Variants in MARCHF5 observed in about 807,000 individuals in gnomAD.
MARCHF5 encodes the protein E3 ubiquitin-protein ligase MARCHF5.
In MARCHF5, 5 loss-of-function variants were observed where a neutral mutation model predicts 36.5. The observed-to-expected ratio is 0.14, with a 90% CI of 0.07 to 0.29. MARCHF5 has a LOEUF of 0.29. Among genes scored for constraint, MARCHF5 ranks in the 10% least tolerant of loss-of-function variants. The probability of loss-of-function intolerance (pLI) is 1.00; values close to 1 mark genes in which losing one functional copy is unlikely to be tolerated. For synonymous variants in MARCHF5, 103 were observed against 109.9 expected, an observed-to-expected ratio of 0.94 and a Z score of 0.39; for missense variants, 179 against 336.3, an observed-to-expected ratio of 0.53 and a Z score of 3.66.
At chr10:92,324,834 A>G (rs1455022745) in intron 2 of MARCHF5, among the ~76,000 whole-genome samples, 2 of 150,560 alleles carry the variant, frequency 1.3e-5, no homozygotes, top group Admixed American at 6.6e-5. Flanking sequence ...TTTTTATTTC[A>G]TTGTGATCAG....
chr10:92,323,036 C>T (rs184377069), intron 2 of MARCHF5, among the ~76,000 whole-genome samples: 85 of 152,106 alleles, frequency 5.6e-4, no homozygotes, highest in Middle Eastern at 3.4e-3. Flanking sequence ...GGTCCCCAGC[C>T]ACCTTCTTTA....
At chr10:92,316,814 C>G (rs769944342) in intron 2 of MARCHF5, among the ~76,000 whole-genome samples, 27 of 152,098 alleles carry the variant, frequency 1.8e-4, no homozygotes, top group South Asian at 6.2e-4. Flanking sequence ...TCCCAAACCC[C>G]GTTGGCCTTC....
At chr10:92,322,542 T>A (rs1843303176) in intron 2 of MARCHF5, among the ~76,000 whole-genome samples, 1 of 149,036 alleles carries the variant, frequency 6.7e-6, no homozygotes, top group Non-Finnish European at 1.5e-5. Context: ...TGGGCTCAAG[T>A]GATCCTCCCA....
At chr10:92,323,322 C>G (rs190452106) in intron 2 of MARCHF5, among the ~76,000 whole-genome samples, 1 of 152,268 alleles carries the variant, frequency 6.6e-6, no homozygotes, top group East Asian at 1.9e-4. Context: ...ACTACTTTCC[C>G]CACTATCAAC....
chr10:92,320,699 AAT>A (rs1843280285), intron 2 of MARCHF5, among the ~76,000 whole-genome samples: 1 of 151,878 alleles, frequency 6.6e-6, no homozygotes, highest in Non-Finnish European at 1.5e-5. Flanking sequence ...ACAACTGTAC[AAT>A]ATGTGTTTTA....
At position 92,349,797 on chromosome 10, in the gene MARCHF5, T is replaced by C. The variant is rs1843696700; in HGVS notation, c.680T>C (p.Met227Thr). The C allele has an allele frequency of 3.1e-6, 5 of 1,613,908 alleles. No homozygotes were observed. Among genetic ancestry groups the C allele is most frequent in the Non-Finnish European group, 4.2e-6 (5 of 1,179,798 alleles). Reference sequence around the variant, plus strand: ...ATTGCTACAATAGTTGGTAAATTGATGTTCAGTAGTGTTAACTCTAATTTA... The same window carrying C: ...ATTGCTACAATAGTTGGTAAATTGACGTTCAGTAGTGTTAACTCTAATTTA... ...PTIATIVGKL[M>T]FSSVNSNLQR... Residue 227 changes from methionine (M) to threonine (T), a missense_variant, in exon 5 of 6, where the codon ATG (methionine) becomes ACG (threonine). Transcript: ENST00000358935.
chr10:92,344,008 C>T lies in MARCHF5; in HGVS notation c.369+3205C>T, dbSNP rs184322297. On this transcript the variant is annotated intron_variant, in intron 3 of 5. Transcript: ENST00000358935. ...TTATACATTATTTAATGTACAAATACATTATATAGATATATATATTTTGCA... is the reference window on the plus strand; with the variant it reads ...TTATACATTATTTAATGTACAAATATATTATATAGATATATATATTTTGCA... 1.4e-3 allele frequency among the ~76,000 whole-genome samples: 209 copies of T among 152,212 alleles called. 2 individuals carry two copies. Among genetic ancestry groups the T allele is most frequent in the African/African-American group, 4.8e-3 (198 of 41,530 alleles).
At position 92,334,224 on chromosome 10, in the gene MARCHF5, G is replaced by A. The variant is rs77744161; in HGVS notation, c.239-6449G>A. ...TTGGCATTTGAGTTTGGTCTAGGTC[G>A]AAATCAGTTCAATGCAAAGCAAAAA... On this transcript the variant is annotated intron_variant, in intron 2 of 5. Coordinates refer to ENST00000358935, the MANE Select transcript of MARCHF5 (RefSeq NM_017824.5). 4.2e-3 allele frequency among the ~76,000 whole-genome samples: 642 copies of A among 152,282 alleles called. 7 individuals are homozygous for A. Among genetic ancestry groups the A allele is most frequent in the African/African-American group, 0.015 (620 of 41,562 alleles).
At chr10:92,312,082 G>A (rs1843150900) in intron 2 of MARCHF5, among the ~76,000 whole-genome samples, 1 of 152,136 alleles carries the variant, frequency 6.6e-6, no homozygotes, top group African/African-American at 2.4e-5. Context: ...ACCCTTGACT[G>A]TAACCAAGAG....
chr10:92,348,968 G>A (rs1843687494), intron 3 of MARCHF5, among the ~76,000 whole-genome samples: 1 of 152,192 alleles, frequency 6.6e-6, no homozygotes, highest in Non-Finnish European at 1.5e-5. Context: ...GGAAGATCAG[G>A]AAAACAGTTG....
chr10:92,343,920 C>T (rs1246202845), intron 3 of MARCHF5, among the ~76,000 whole-genome samples: 2 of 152,070 alleles, frequency 1.3e-5, no homozygotes, highest in Non-Finnish European at 2.9e-5. Context: ...TAGTACATCA[C>T]CTGAGGAGGG....
intron 3 of MARCHF5, among the ~76,000 whole-genome samples, chr10:92,347,783 C>CTA (rs1843666634): frequency 6.6e-6 from 1 of 152,184 alleles, no homozygotes. Flanking sequence ...TAGGAAGAGG[C>CTA]TAGCCTCCTG....
chr10:92,340,316 T>C (rs768827040), intron 2 of MARCHF5, among the ~76,000 whole-genome samples: 1 of 152,242 alleles, frequency 6.6e-6, no homozygotes, highest in Non-Finnish European at 1.5e-5. Context: ...TATTTAGCTA[T>C]TCGTGCAAAT....
In MARCHF5 at chr10:92,292,721, A is replaced by G. The variant is rs1456096066; in HGVS notation, c.35+1192A>G. ...TTCAGGTCAACATCCTGACAATTGT[A>G]TTGACTGCTTTATATATATATGTGT... On this transcript the variant is annotated intron_variant, in intron 1 of 5. Coordinates refer to ENST00000358935, the MANE Select transcript of MARCHF5 (RefSeq NM_017824.5). 2.0e-5 allele frequency among the ~76,000 whole-genome samples: 3 copies of G among 152,134 alleles called. No homozygotes were observed. In the East Asian group the frequency reaches 5.8e-4, roughly 29 times the overall value.
At chr10:92,318,397 G>C (rs1391892795) in intron 2 of MARCHF5, among the ~76,000 whole-genome samples, 1 of 144,644 alleles carries the variant, frequency 6.9e-6, no homozygotes, top group Non-Finnish European at 1.5e-5. Context: ...CTGGACTCCA[G>C]CCTGGGCAAC....
At chr10:92,342,821 T>C (rs928599794) in intron 3 of MARCHF5, among the ~76,000 whole-genome samples, 1 of 152,236 alleles carries the variant, frequency 6.6e-6, no homozygotes, top group African/African-American at 2.4e-5. Flanking sequence ...TTCTTTAATA[T>C]AAATTAGAAT....
intron 2 of MARCHF5, among the ~76,000 whole-genome samples, chr10:92,322,176 G>A (rs1463692983): frequency 1.5e-5 from 2 of 131,664 alleles, no homozygotes; most frequent in Admixed American, 8.8e-5. Context: ...CCCAGGAGGC[G>A]AAGGTTTCAG....
chr10:92,345,034 C>G (rs1843624481), intron 3 of MARCHF5, among the ~76,000 whole-genome samples: 1 of 152,144 alleles, frequency 6.6e-6, no homozygotes, highest in Non-Finnish European at 1.5e-5. Flanking sequence ...GTCCCAGAGG[C>G]AGCTGGAACA....
chr10:92,346,980 G>T (rs1438288080), intron 3 of MARCHF5, among the ~76,000 whole-genome samples: 1 of 152,076 alleles, frequency 6.6e-6, no homozygotes, highest in East Asian at 1.9e-4. Flanking sequence ...CTAACACTTT[G>T]AGAATATTTA....
Sources: gnomAD v4.1 joint callset for allele counts (sites outside exome capture counted in the v4.1 genomes callset) on GRCh38, gnomAD v4.1.1 for gene constraint, MANE v1.5 for transcripts, NCBI Gene and HGNC (gene_info 2026-07-23, HGNC 2026-07-21) for gene names.